Variants in FBLN2 observed in about 807,000 individuals in gnomAD.
FBLN2 encodes fibulin 2.
In FBLN2, 81 loss-of-function variants were observed where a neutral mutation model predicts 123.7. That is an observed-to-expected ratio of 0.65 (90% CI 0.55 to 0.79). The LOEUF is 0.79. FBLN2 is among the 30% of genes least tolerant of loss of function. FBLN2 has a pLI of 0.00. For missense variants in FBLN2, 1,603 were observed against 1,681.3 expected (o/e 0.95, Z 0.81); for synonymous variants, 699 against 701.4 (o/e 1.00, Z 0.05).
chr3:13,549,262 G>T, intron 1 of FBLN2, 54 bp downstream of exon 1: 3 of 970,564 alleles, frequency 3.1e-6, no homozygotes, highest in Non-Finnish European at 3.7e-6. Context: ...TCCGCGCCTC[G>T]CAGCTCAGGA....
chr3:13,601,495 G>A (rs1276614988), intron 2 of FBLN2, among the ~76,000 whole-genome samples: 1 of 152,184 alleles, frequency 6.6e-6, no homozygotes, highest in East Asian at 1.9e-4. Context: ...GTGGAGGCAG[G>A]ACTCTGCCTG....
intron 2 of FBLN2, among the ~76,000 whole-genome samples, chr3:13,575,994 C>A (rs1431218693): frequency 6.6e-6 from 1 of 152,172 alleles, no homozygotes; most frequent in Non-Finnish European, 1.5e-5. Context: ...GAGCCGGGCA[C>A]CCAGGAGGTG....
chr3:13,626,521 C>G lies in FBLN2; in HGVS notation c.2373C>G (p.His791Gln), dbSNP rs1188467618. The G allele has an allele frequency of 3.2e-6, 5 of 1,561,204 alleles. No homozygotes were observed. Among genetic ancestry groups the G allele is most frequent in the Non-Finnish European group, 4.3e-6 (5 of 1,152,586 alleles). The stretch of plus-strand genomic sequence containing the variant: ...GTGTGAACACACTGGGCTCCTTCCA[C>G]TGCTACAAGGCACTCACCTGTGAGC... ...EHCVNTLGSF[H>Q]CYKALTCEPG... Residue 791 changes from histidine (H) to glutamine (Q), a missense_variant, in exon 10 of 18, where the codon CAC becomes CAG. His to Gln is a conservative substitution (Grantham distance 24). Coordinates refer to ENST00000404922, the MANE Select transcript of FBLN2 (RefSeq NM_001004019.2).
At chr3:13,633,173 C>G (rs1706317128) in intron 16 of FBLN2, among the ~76,000 whole-genome samples, 1 of 152,264 alleles carries the variant, frequency 6.6e-6, no homozygotes, top group Non-Finnish European at 1.5e-5. Context: ...TGGCTAGCCA[C>G]TAGAGAGGGC....
At chr3:13,571,773 C>A (rs2124825658) in intron 2 of FBLN2, 112 bp downstream of exon 2, 1 of 1,338,530 alleles carries the variant, frequency 7.5e-7, no homozygotes, top group East Asian at 2.5e-5. Context: ...ACTGTGGGGC[C>A]AGGCCTAGGG....
chr3:13,557,800 G>A (rs1414355424), intron 1 of FBLN2, among the ~76,000 whole-genome samples: 1 of 152,270 alleles, frequency 6.6e-6, no homozygotes, highest in Non-Finnish European at 1.5e-5. Flanking sequence ...GACCCACTGT[G>A]CAGATGAAAG....
rs560370586 is a variant in FBLN2, at chr3:13,598,072, A to G, written c.1307-9990A>G. Among the ~76,000 whole-genome samples the G allele has an allele frequency of 2.0e-5, 3 of 152,344 alleles. No homozygotes were observed. In the East Asian group the frequency reaches 5.8e-4, roughly 29 times the overall value. ...GTGGACAGAAATGGAGAATTCTCGA[A>G]AAGCCAGAGGAAAGAGGAGGCAGGG... is the stretch of plus-strand genomic sequence containing the variant. On this transcript the variant is annotated intron_variant, in intron 2 of 17. Transcript: ENST00000404922.
At chr3:13,617,996 A>G (rs1028314124) in intron 5 of FBLN2, 80 bp from the exon 6 acceptor site, 1 of 1,274,458 alleles carries the variant, frequency 7.8e-7, no homozygotes, top group Non-Finnish European at 1.1e-6. Context: ...GAGGACCTGC[A>G]CTAGTTTCCC....
Position 13,608,300 on chromosome 3 carries a change from G to A in FBLN2, c.1418+127G>A, listed in dbSNP as rs1316575238. The stretch of plus-strand genomic sequence containing the variant: ...CTTCACATGCCTCTGGGGCATGAGG[G>A]TGATTGGGTGTGGCTGCCGTGCGCC... On this transcript the variant is annotated intron_variant, in intron 3 of 17. Coordinates refer to ENST00000404922, the MANE Select transcript of FBLN2 (RefSeq NM_001004019.2). 6 of 671,702 alleles carry A rather than the reference G, an allele frequency of 8.9e-6. No individual in the cohort carries two copies. In the African/African-American group the frequency reaches 1.1e-4, roughly 12 times the overall value. The allele number at this position is 671,702 out of a possible 1,614,324, so 41.6% of individuals were successfully genotyped here. A position where few individuals can be genotyped will look rare whatever the true frequency, so the allele number is the denominator to read the frequency against.
At position 13,549,206 on chromosome 3, in the gene FBLN2, GCGGTGAGTGCACGCGGCCCCTCCCGCC is replaced by G; in HGVS notation, c.-42+2_-42+28del. The G allele has an allele frequency of 1.0e-6, 1 of 983,552 alleles. No homozygotes were observed. The highest frequency in any genetic ancestry group is 1.2e-6 in the Non-Finnish European group (1 of 829,274). The allele number at this position is 983,552 out of a possible 1,614,324, so 60.9% of individuals were successfully genotyped here. A position where few individuals can be genotyped will look rare whatever the true frequency, so the allele number is the denominator to read the frequency against. On this transcript the variant is annotated splice_donor_variant and splice_donor_5th_base_variant and 5_prime_UTR_variant and intron_variant, in exon 1 of 18. Coordinates refer to ENST00000404922, the MANE Select transcript of FBLN2 (RefSeq NM_001004019.2). LOFTEE classifies it low-confidence loss of function (5UTR_SPLICE). Reference sequence around the variant, plus strand: ...GGACGGACGCCGAGCGCAGTGCCCCGCGGTGAGTGCACGCGGCCCCTCCCGCCCGGACTCATCCCCGTCGGTCCGCGC... The same window carrying G: ...GGACGGACGCCGAGCGCAGTGCCCCGCGGACTCATCCCCGTCGGTCCGCGC...
At chr3:13,567,174 G>A (rs978754339) in intron 1 of FBLN2, among the ~76,000 whole-genome samples, 2 of 143,172 alleles carry the variant, frequency 1.4e-5, no homozygotes, top group African/African-American at 5.0e-5. Flanking sequence ...AGAGCAAGGG[G>A]ATGGACTTGG....
At chr3:13,618,848 C>G in intron 6 of FBLN2, 56 bp from the exon 7 acceptor site, 1 of 1,341,716 alleles carries the variant, frequency 7.5e-7, no homozygotes, top group Non-Finnish European at 1.0e-6. Context: ...GTGCCTGAGG[C>G]CTGGCTGAAG....
chr3:13,552,329 G>T (rs1388469319), intron 1 of FBLN2, among the ~76,000 whole-genome samples: 1 of 152,154 alleles, frequency 6.6e-6, no homozygotes, highest in East Asian at 1.9e-4. Flanking sequence ...TTGCAGGTGG[G>T]GCTGCCAGGA....
intron 8 of FBLN2, 102 bp downstream of exon 8, chr3:13,619,933 T>C (rs1705789107): frequency 1.2e-6 from 1 of 857,034 alleles, no homozygotes; most frequent in African/African-American, 1.7e-5. Flanking sequence ...GCTGAGTTTG[T>C]GCAGGAAGAG....
At chr3:13,636,743 C>G (rs188117701) in intron 17 of FBLN2, among the ~76,000 whole-genome samples, 175 bp downstream of exon 17, 3 of 152,194 alleles carry the variant, frequency 2.0e-5, no homozygotes, top group African/African-American at 4.8e-5. Context: ...TTAGAGAGTT[C>G]AGGGTTGAGA....
intron 1 of FBLN2, among the ~76,000 whole-genome samples, chr3:13,561,780 C>T (rs540664084): frequency 6.6e-6 from 1 of 152,320 alleles, no homozygotes; most frequent in Non-Finnish European, 1.5e-5. Flanking sequence ...CCAGCACCTG[C>T]AGTGGGCTGG....
chr3:13,568,434 G>T (rs931482812), intron 1 of FBLN2, among the ~76,000 whole-genome samples: 1 of 152,198 alleles, frequency 6.6e-6, no homozygotes, highest in Non-Finnish European at 1.5e-5. Flanking sequence ...GCTGGCTCCC[G>T]TGTCTCAGCG....
intron 6 of FBLN2, 77 bp downstream of exon 6, chr3:13,618,362 AC>A (rs763598150): frequency 7.6e-5 from 106 of 1,385,626 alleles, no homozygotes; most frequent in Non-Finnish European, 1.0e-4. Flanking sequence ...CCTGGGGTGC[AC>A]ACTGTGGGGT....
At chr3:13,631,599 T>C in intron 16 of FBLN2, 142 bp downstream of exon 16, 1 of 1,034,866 alleles carries the variant, frequency 9.7e-7, no homozygotes, top group South Asian at 1.7e-5. Flanking sequence ...ATGCTACCAG[T>C]GGCCATGTTA....
Sources: allele counts gnomAD v4.1 joint callset (sites outside exome capture counted in the v4.1 genomes callset), GRCh38; gene constraint gnomAD v4.1.1; transcripts MANE v1.5; gene names NCBI Gene and HGNC (gene_info 2026-07-23, HGNC 2026-07-21).